ABLIM1: variants seen among roughly 807,000 people sequenced by gnomAD.
The protein encoded by ABLIM1 is actin-binding LIM protein 1.
ABLIM1 carries 40 observed loss-of-function variants against 107.0 expected under a neutral mutation model. That is an observed-to-expected ratio of 0.37 (90% CI 0.29 to 0.49). The LOEUF is 0.49. ABLIM1 is among the 20% of genes least tolerant of loss of function. The pLI is 0.97. For missense variants in ABLIM1, 857 were observed against 1,008.5 expected, an observed-to-expected ratio of 0.85 and a Z score of 2.04; for synonymous variants, 357 against 357.3, an observed-to-expected ratio of 1.00 and a Z score of 0.01.
intron 4 of ABLIM1, among the ~76,000 whole-genome samples, chr10:114,548,033 T>G (rs1368454723): frequency 6.6e-6 from 1 of 152,196 alleles, no homozygotes; most frequent in East Asian, 1.9e-4. Flanking sequence ...ACCCATCTGC[T>G]TACTTGGGGG....
upstream of ABLIM1, among the ~76,000 whole-genome samples, chr10:114,769,088 C>G (rs914163823): frequency 2.8e-5 from 4 of 142,478 alleles, no homozygotes; most frequent in Admixed American, 3.0e-4. Flanking sequence ...AATCCCAGCA[C>G]TTTGGGAGGC....
At chr10:114,658,727 G>A (rs1371434768), upstream of ABLIM1, among the ~76,000 whole-genome samples, 1 of 152,168 alleles carries the variant, frequency 6.6e-6, no homozygotes, top group African/African-American at 2.4e-5. Context: ...GACAAATCCA[G>A]CTCTCAGCCA....
chr10:114,677,677 A>G (rs2080550462), intron 1 of ABLIM1, among the ~76,000 whole-genome samples: 1 of 152,192 alleles, frequency 6.6e-6, no homozygotes, highest in Non-Finnish European at 1.5e-5. Context: ...TGGGAGGCTG[A>G]AGCAGGAGAA....
chr10:114,489,162 C>A (rs2058596712), intron 7 of ABLIM1, among the ~76,000 whole-genome samples: 1 of 152,134 alleles, frequency 6.6e-6, no homozygotes, highest in Non-Finnish European at 1.5e-5. Context: ...GGGTTACAGG[C>A]ATGCACCACC....
chr10:114,463,049 G>A (rs751229223), intron 12 of ABLIM1: 1 of 1,336,904 alleles, frequency 7.5e-7, no homozygotes, highest in Non-Finnish European at 9.9e-7. Flanking sequence ...CCTTACCTTT[G>A]ATATGGGGAA....
At position 114,602,739 on chromosome 10, in the gene ABLIM1, T is replaced by C. The variant is rs74158020; in HGVS notation, c.245-778A>G. ...GGAATTTATAGGGTCTTTTCAGACCTTAACATCACATGATGGGGCTTACAA... is the reference window on the plus strand; with the variant it reads ...GGAATTTATAGGGTCTTTTCAGACCCTAACATCACATGATGGGGCTTACAA... On this transcript the variant is annotated intron_variant, in intron 1 of 22. Transcript: ENST00000533213. 3.6e-3 allele frequency among the ~76,000 whole-genome samples: 555 copies of C among 152,342 alleles called. 5 individuals are homozygous for C. The highest frequency in any genetic ancestry group is 0.013 in the African/African-American group (528 of 41,578).
intron 12 of ABLIM1, among the ~76,000 whole-genome samples, chr10:114,456,718 G>A (rs542418872): frequency 6.6e-6 from 1 of 152,236 alleles, no homozygotes; most frequent in Admixed American, 6.5e-5. Flanking sequence ...ATTTGTCCAG[G>A]GATTAAAATA....
intron 17 of ABLIM1, 107 bp from the exon 18 acceptor site, chr10:114,441,893 A>T: frequency 4.1e-6 from 4 of 976,166 alleles, no homozygotes; most frequent in South Asian, 1.4e-5. Flanking sequence ...TACCAAAAAA[A>T]TTCAAATCAT....
intron 2 of ABLIM1, among the ~76,000 whole-genome samples, chr10:114,579,224 C>T (rs373365905): frequency 6.6e-5 from 10 of 152,144 alleles, no homozygotes; most frequent in East Asian, 1.9e-4. Context: ...AGAAAAACAA[C>T]AGGAAACAAT....
At chr10:114,493,454 C>T (rs891971482) in intron 6 of ABLIM1, among the ~76,000 whole-genome samples, 21 of 152,212 alleles carry the variant, frequency 1.4e-4, no homozygotes, top group Non-Finnish European at 1.8e-4. Flanking sequence ...GTGAAACGTT[C>T]GAGGCATTCT....
intron 1 of ABLIM1, chr10:114,632,605 G>C (rs2078260386): frequency 2.8e-5 from 28 of 985,246 alleles, no homozygotes; most frequent in Non-Finnish European, 3.3e-5. Context: ...TACCTGAATG[G>C]GGCTGGGGGA....
intron 6 of ABLIM1, among the ~76,000 whole-genome samples, chr10:114,505,085 T>C (rs997312796): frequency 1.3e-5 from 2 of 152,138 alleles, no homozygotes; most frequent in African/African-American, 4.8e-5. Flanking sequence ...GAATGTGACA[T>C]TGAGCAGGCT....
At chr10:114,456,934 T>TAA (rs61165310) in intron 12 of ABLIM1, among the ~76,000 whole-genome samples, 1,503 of 138,144 alleles carry the variant, frequency 0.011, 19 homozygotes, top group African/African-American at 0.032. Flanking sequence ...GTTTTTTTTT[T>TAA]AAAAAAAAAA....
chr10:114,750,081 T>A lies in ABLIM1; in HGVS notation c.-213+17980A>T, dbSNP rs540807572. Among the ~76,000 whole-genome samples, 689 of 152,262 alleles carry A rather than the reference T, an allele frequency of 4.5e-3. 4 individuals carry two copies. The highest frequency in any genetic ancestry group is 0.02 in the South Asian group (98 of 4,820). ...ACTTCCACTGGCAAGGATTTTTTTT[T>A]AAAAATCTGTTGTGTGCACTGCTAC... is the stretch of plus-strand genomic sequence containing the variant. On this transcript the variant is annotated intron_variant, in intron 1 of 15. Coordinates refer to the ABLIM1 transcript ENST00000651092.
At chr10:114,510,805 C>G (rs554726517) in intron 6 of ABLIM1, among the ~76,000 whole-genome samples, 1 of 151,948 alleles carries the variant, frequency 6.6e-6, no homozygotes, top group African/African-American at 2.4e-5. Flanking sequence ...CATGCACCAC[C>G]ATTCCCAGCT....
chr10:114,633,819 G>C (rs183940685), intron 1 of ABLIM1, among the ~76,000 whole-genome samples: 1 of 152,126 alleles, frequency 6.6e-6, no homozygotes, highest in African/African-American at 2.4e-5. Flanking sequence ...ATGCTGACAA[G>C]CAAAATTAAC....
At chr10:114,631,777 G>T in intron 1 of ABLIM1, 1 of 1,001,068 alleles carries the variant, frequency 1.0e-6, no homozygotes, top group Non-Finnish European at 1.3e-6. Context: ...TTCACAATAC[G>T]GAGCTTCTCA....
intron 1 of ABLIM1, among the ~76,000 whole-genome samples, chr10:114,635,374 G>A (rs1355268982): frequency 2.6e-5 from 4 of 152,174 alleles, no homozygotes; most frequent in Non-Finnish European, 5.9e-5. Context: ...CAAGCAACCC[G>A]GCAGAGTCCA....
chr10:114,710,790 T>C (rs2081531920), intron 1 of ABLIM1, among the ~76,000 whole-genome samples: 1 of 152,030 alleles, frequency 6.6e-6, no homozygotes, highest in Admixed American at 6.5e-5. Context: ...AAAAAATAAA[T>C]AAAAATAAAA....
Sources: gnomAD v4.1 joint callset for allele counts (sites outside exome capture counted in the v4.1 genomes callset) on GRCh38, gnomAD v4.1.1 for gene constraint, MANE v1.5 for transcripts, NCBI Gene and HGNC (gene_info 2026-07-23, HGNC 2026-07-21) for gene names.